The following CLTCL1 variants were observed in gnomAD, a reference collection of about 807,000 sequenced individuals.
CLTCL1 encodes clathrin heavy chain like 1.
A neutral mutation model predicts 190.0 loss-of-function variants in CLTCL1; 159 were observed. The observed-to-expected ratio is 0.84, with a 90% confidence interval of 0.74 to 0.95. CLTCL1 has a LOEUF of 0.95. Among genes scored for constraint, CLTCL1 ranks in the 40% least tolerant of loss-of-function variants. The pLI is 0.00. For missense variants in CLTCL1, 1,878 were observed against 2,033.4 expected (o/e 0.92, Z 1.47); for synonymous variants, 752 against 769.6 (o/e 0.98, Z 0.38).
rs765087111 is a variant in CLTCL1, at chr22:19,257,888, G to C, written c.251-3661C>G. 4 of 1,384,110 alleles carry C rather than the reference G, an allele frequency of 2.9e-6. No homozygotes were observed. In the East Asian group the frequency reaches 1.6e-4, roughly 56 times the overall value. The allele number at this position is 1,384,110 out of a possible 1,614,324, so 85.7% of individuals were successfully genotyped here. A position where few individuals can be genotyped will look rare whatever the true frequency, so the allele number is the denominator to read the frequency against. On this transcript the variant is annotated intron_variant, in intron 2 of 32. Coordinates refer to ENST00000427926, the MANE Select transcript of CLTCL1 (RefSeq NM_007098.4). ...AGCACCTGGAGAAGAAGAGACCCCA[G>C]GTCAGAGACTGGGCCATTACTTCAA...
Position 19,221,482 on chromosome 22 carries a change from A to G in CLTCL1, c.2691T>C (p.Asn897=), listed in dbSNP as rs2085567076. The G allele has an allele frequency of 6.3e-7, 1 of 1,595,642 alleles. No individual in the cohort carries two copies. ...NNSPECFLRE[N]AYYDSSVVGR... Reference sequence around the variant, plus strand: ...CCACCACGCTGCTGTCATAGTAGGCATTCTCTCTCAGGAAGCACTCGGGGC... The same window carrying G: ...CCACCACGCTGCTGTCATAGTAGGCGTTCTCTCTCAGGAAGCACTCGGGGC... The change falls in exon 17 of 33, where the codon AAT becomes AAC. Residue 897 remains asparagine, a synonymous_variant. Coordinates refer to ENST00000427926, the MANE Select transcript of CLTCL1 (RefSeq NM_007098.4).
At chr22:19,247,092 C>T (rs1555968250) in intron 3 of CLTCL1, among the ~76,000 whole-genome samples, 1 of 152,176 alleles carries the variant, frequency 6.6e-6, no homozygotes, top group Admixed American at 6.5e-5. Context: ...ATAAAGCTTT[C>T]TCCTTATGTT....
chr22:19,277,096 C>T (rs782416879), intron 1 of CLTCL1, among the ~76,000 whole-genome samples: 19 of 152,136 alleles, frequency 1.2e-4, no homozygotes, highest in Admixed American at 5.2e-4. Context: ...GATCATGGAC[C>T]GCTGCATTAA....
At chr22:19,232,308 G>A (rs1184124988) in intron 10 of CLTCL1, among the ~76,000 whole-genome samples, 168 bp downstream of exon 10, 1 of 152,106 alleles carries the variant, frequency 6.6e-6, no homozygotes, top group Middle Eastern at 3.2e-3. Flanking sequence ...TACTCACATA[G>A]TAAAGACTAG....
chr22:19,274,333 T>C (rs557494305), intron 2 of CLTCL1, among the ~76,000 whole-genome samples: 2 of 152,152 alleles, frequency 1.3e-5, no homozygotes, highest in African/African-American at 4.8e-5. Context: ...CAACATAAAA[T>C]GCAGAAAAGG....
At chr22:19,225,997 A>G (rs755344207) in intron 12 of CLTCL1, among the ~76,000 whole-genome samples, 1 of 152,248 alleles carries the variant, frequency 6.6e-6, no homozygotes, top group Non-Finnish European at 1.5e-5. Context: ...AAAGGTGGAT[A>G]TCAGAAAGAA....
At chr22:19,230,788 G>C (rs2085895776) in intron 10 of CLTCL1, among the ~76,000 whole-genome samples, 1 of 152,116 alleles carries the variant, frequency 6.6e-6, no homozygotes, top group African/African-American at 2.4e-5. Context: ...GGAACACATA[G>C]AGAACAGGTA....
chr22:19,263,683 T>C (rs1555976633), intron 2 of CLTCL1, among the ~76,000 whole-genome samples: 1 of 152,230 alleles, frequency 6.6e-6, no homozygotes, highest in African/African-American at 2.4e-5. Context: ...CCTCCCAAAG[T>C]GCTGGGATTA....
At chr22:19,283,023 T>C (rs1190207411) in intron 1 of CLTCL1, among the ~76,000 whole-genome samples, 2 of 150,748 alleles carry the variant, frequency 1.3e-5, no homozygotes, top group Non-Finnish European at 3.0e-5. Flanking sequence ...AAGTGCCCAC[T>C]ACCACGCCTG....
At chr22:19,207,957 A>G (rs775863784) in intron 22 of CLTCL1, 197 bp downstream of exon 22, 197 of 705,732 alleles carry the variant, frequency 2.8e-4, no homozygotes, top group Non-Finnish European at 4.3e-4. Context: ...TTACAATATG[A>G]TAACAGTAGA....
At chr22:19,208,828 A>G in intron 21 of CLTCL1, 94 bp downstream of exon 21, 4 of 1,012,060 alleles carry the variant, frequency 4.0e-6, no homozygotes, top group Non-Finnish European at 5.7e-6. Context: ...GATACATCAT[A>G]CGTAGAGATT....
chr22:19,181,005 C>T (rs1170721216), intron 30 of CLTCL1, 199 bp from the exon 31 acceptor site: 11 of 578,876 alleles, frequency 1.9e-5, no homozygotes, highest in Admixed American at 5.7e-5. Flanking sequence ...GGTGAAGCCT[C>T]GGTAGCTGGG....
chr22:19,285,290 A>G (rs1267604942), intron 1 of CLTCL1, among the ~76,000 whole-genome samples: 3 of 152,088 alleles, frequency 2.0e-5, no homozygotes, highest in African/African-American at 7.2e-5. Flanking sequence ...AAAGAAAAAG[A>G]AAAAGAAAAA....
At chr22:19,226,578 GC>G (rs1206775105) in intron 11 of CLTCL1, among the ~76,000 whole-genome samples, 195 bp from the exon 12 acceptor site, 4 of 152,130 alleles carry the variant, frequency 2.6e-5, no homozygotes, top group African/African-American at 9.7e-5. Flanking sequence ...GCCATCTTAG[GC>G]CCTTTGCACA....
At chr22:19,281,255 A>G (rs975221037) in intron 1 of CLTCL1, among the ~76,000 whole-genome samples, 1 of 150,400 alleles carries the variant, frequency 6.6e-6, no homozygotes, top group Admixed American at 6.7e-5. Context: ...AGATTGCACC[A>G]CTGCACTCTA....
intron 3 of CLTCL1, among the ~76,000 whole-genome samples, chr22:19,245,429 T>C (rs1259543935): frequency 6.6e-6 from 1 of 152,110 alleles, no homozygotes; most frequent in Admixed American, 6.5e-5. Context: ...CCTGATCTCA[T>C]GATCTGTCCA....
In CLTCL1 at chr22:19,179,952, C is replaced by T; in HGVS notation, c.*38G>A. The T allele has an allele frequency of 1.8e-6, 1 of 551,802 alleles. No homozygotes were observed. Among genetic ancestry groups the T allele is most frequent in the Non-Finnish European group, 3.2e-6 (1 of 308,716 alleles). The allele number at this position is 551,802 out of a possible 1,614,324, so 34.2% of individuals were successfully genotyped here. A position where few individuals can be genotyped will look rare whatever the true frequency, so the allele number is the denominator to read the frequency against. On this transcript the variant is annotated 3_prime_UTR_variant, in exon 33 of 33. Coordinates refer to ENST00000427926, the MANE Select transcript of CLTCL1 (RefSeq NM_007098.4). ...TATCCATAGGGGAAGCTGGCAGGGGCTGGGCCCACGGCAGGGCCTGCAGAG... is the reference window on the plus strand; with the variant it reads ...TATCCATAGGGGAAGCTGGCAGGGGTTGGGCCCACGGCAGGGCCTGCAGAG...
Position 19,201,484 on chromosome 22 carries a change from G to A in CLTCL1, c.3610C>T (p.Arg1204Cys), listed in dbSNP as rs782414713. ...NNAHIQQVGDRCYEEGMYEAA... is the reference protein window; with the variant it reads ...NNAHIQQVGDCCYEEGMYEAA... Reference sequence around the variant, plus strand: ...TCGTACATTCCCTCCTCGTAACAGCGGTCTCCAACCTACGGATAATAGGGT... The same window carrying A: ...TCGTACATTCCCTCCTCGTAACAGCAGTCTCCAACCTACGGATAATAGGGT... Residue 1204 changes from arginine to cysteine, a missense_variant, in exon 23 of 33, where the codon CGC (arginine) becomes TGC (cysteine). Coordinates refer to ENST00000427926, the MANE Select transcript of CLTCL1 (RefSeq NM_007098.4). 6 of 1,612,550 alleles carry A rather than the reference G, an allele frequency of 3.7e-6. No individual in the cohort carries two copies. The highest frequency in any genetic ancestry group is 4.5e-5 in the East Asian group (2 of 44,838).
intron 11 of CLTCL1, among the ~76,000 whole-genome samples, chr22:19,228,354 C>G (rs1041412798): frequency 6.6e-6 from 1 of 152,222 alleles, no homozygotes; most frequent in African/African-American, 2.4e-5. Context: ...GGCACTAAGC[C>G]AGAGCCTGCT....
Sources: gnomAD v4.1 joint callset for allele counts (sites outside exome capture counted in the v4.1 genomes callset) on GRCh38, gnomAD v4.1.1 for gene constraint, MANE v1.5 for transcripts, NCBI Gene and HGNC (gene_info 2026-07-23, HGNC 2026-07-21) for gene names.